PPP6R3: variants seen among roughly 807,000 people sequenced by gnomAD.
PPP6R3 encodes the protein serine/threonine-protein phosphatase 6 regulatory subunit 3.
A neutral mutation model predicts 110.7 loss-of-function variants in PPP6R3; 38 were observed. That is an observed-to-expected ratio of 0.34 (90% CI 0.26 to 0.45). The LOEUF is 0.45. Ranked by LOEUF, PPP6R3 falls within the 20% of genes least tolerant of loss-of-function variation. PPP6R3 has a pLI of 1.00. For synonymous variants in PPP6R3, 369 were observed against 373.5 expected (o/e 0.99, Z 0.14); for missense variants, 870 against 1,062.4 (o/e 0.82, Z 2.52).
At chr11:68,551,605 C>G (rs925162775) in intron 6 of PPP6R3, among the ~76,000 whole-genome samples, 31 of 152,272 alleles carry the variant, frequency 2.0e-4, no homozygotes, top group Middle Eastern at 3.4e-3. Context: ...TTCTCTGCCT[C>G]AGCTTCCCGA....
intron 5 of PPP6R3, among the ~76,000 whole-genome samples, chr11:68,549,734 T>G (rs2099363386): frequency 6.6e-6 from 1 of 152,220 alleles, no homozygotes; most frequent in South Asian, 2.1e-4. Context: ...GCTTCTGGGT[T>G]CAAGTTTAGG....
intron 12 of PPP6R3, among the ~76,000 whole-genome samples, chr11:68,572,626 G>C (rs2099511935): frequency 6.6e-6 from 1 of 152,166 alleles, no homozygotes; most frequent in African/African-American, 2.4e-5. Context: ...GAGATGGGAG[G>C]ATTGGTTGAG....
chr11:68,506,572 T>C (rs2099079156), intron 1 of PPP6R3, among the ~76,000 whole-genome samples: 1 of 152,120 alleles, frequency 6.6e-6, no homozygotes, highest in African/African-American at 2.4e-5. Flanking sequence ...ACAAACACTT[T>C]TTTGTGGGAA....
chr11:68,603,262 G>A (rs1177697498), intron 21 of PPP6R3, 80 bp from the exon 22 acceptor site: 1 of 1,546,078 alleles, frequency 6.5e-7, no homozygotes, highest in African/African-American at 1.4e-5. Flanking sequence ...GTCACGTTGG[G>A]TAGATGGGTT....
intron 5 of PPP6R3, among the ~76,000 whole-genome samples, chr11:68,550,338 G>A (rs187421463): frequency 1.5e-4 from 23 of 152,188 alleles, no homozygotes; most frequent in African/African-American, 4.6e-4. Context: ...TTCTGCCCCC[G>A]CTGCCCGCCC....
In PPP6R3 at chr11:68,590,639, TTTTA is replaced by T; in HGVS notation, c.1731-17_1731-14del. 4.5e-6 allele frequency: 4 copies of T among 891,692 alleles called. No individual in the cohort carries two copies. The African/African-American group carries it at 6.3e-5, about 14-fold the overall frequency. The allele number at this position is 891,692 out of a possible 1,614,324, so 55.2% of individuals were successfully genotyped here. ...TGATAGTAATTAATGCTTCCTACAC[TTTTA>T]TTTTGTTTTTTTACAGTGTTTCTTT... On this transcript the variant is annotated splice_polypyrimidine_tract_variant and intron_variant, in intron 16 of 23. Coordinates refer to ENST00000393800, the MANE Select transcript of PPP6R3 (RefSeq NM_001164161.2).
At chr11:68,543,678 T>C (rs754058886) in intron 3 of PPP6R3, among the ~76,000 whole-genome samples, 7 of 152,246 alleles carry the variant, frequency 4.6e-5, no homozygotes, top group Non-Finnish European at 1.0e-4. Flanking sequence ...TCTCTCTGTC[T>C]TGCTCAGCTT....
rs546063023 is a variant in PPP6R3, at chr11:68,601,194, A to T, written c.2193-669A>T. ...TCTACCCCGCTTTTCAGTACAGGAC[A>T]TACATTTCCGCCTACTCCTTTTTTT... On this transcript the variant is annotated intron_variant, in intron 20 of 23. Coordinates refer to ENST00000393800, the MANE Select transcript of PPP6R3 (RefSeq NM_001164161.2). Among the ~76,000 whole-genome samples, 12 of 152,352 alleles carry T rather than the reference A, an allele frequency of 7.9e-5. No individual in the cohort carries two copies. In the East Asian group the frequency reaches 2.3e-3, roughly 29 times the overall value.
intron 1 of PPP6R3, among the ~76,000 whole-genome samples, chr11:68,491,623 T>C (rs2098985009): frequency 6.6e-6 from 1 of 152,064 alleles, no homozygotes; most frequent in East Asian, 1.9e-4. Flanking sequence ...GTGTCGGGAT[T>C]ATAGGTGTGA....
intron 1 of PPP6R3, among the ~76,000 whole-genome samples, chr11:68,517,220 C>T (rs1321838331): frequency 1.3e-5 from 2 of 151,550 alleles, no homozygotes; most frequent in African/African-American, 4.9e-5. Context: ...TTTCCTCTAA[C>T]TTGCATTTTT....
rs775260227 is a variant in PPP6R3 at position 68,609,958 on chromosome 11, G to A, written c.2505G>A (p.Glu835=). 11 of 1,614,178 alleles carry A rather than the reference G, an allele frequency of 6.8e-6. No homozygotes were observed. The South Asian group carries it at 9.9e-5, about 15-fold the overall frequency. The change falls in exon 23 of 24, where the codon GAG becomes GAA. Residue 835 remains glutamate, a synonymous_variant. Transcript: ENST00000393800. ...SQDAACKDAE[E]CPETAEAKCA... ...ATGCTGCTTGTAAAGACGCAGAGGA[G>A]TGTCCCGAGACTGCAGAGGCGAAGT...
intron 14 of PPP6R3, among the ~76,000 whole-genome samples, chr11:68,582,369 T>A (rs1251151674): frequency 6.6e-6 from 1 of 152,276 alleles, no homozygotes; most frequent in Non-Finnish European, 1.5e-5. Context: ...CATTTGTAAT[T>A]AATAAAAATC....
At chr11:68,543,113 C>G (rs972850351) in intron 3 of PPP6R3, among the ~76,000 whole-genome samples, 1 of 152,198 alleles carries the variant, frequency 6.6e-6, no homozygotes, top group Non-Finnish European at 1.5e-5. Flanking sequence ...GCCTTTTTTA[C>G]TCCCCTCCTC....
intron 1 of PPP6R3, chr11:68,505,348 C>T (rs925041758): frequency 2.6e-5 from 4 of 152,306 alleles, no homozygotes; most frequent in Non-Finnish European, 4.4e-5. Flanking sequence ...CATTTAGAAT[C>T]GTGGACACAA....
chr11:68,503,178 G>A (rs1166061129), intron 1 of PPP6R3, among the ~76,000 whole-genome samples: 4 of 152,138 alleles, frequency 2.6e-5, no homozygotes, highest in African/African-American at 9.7e-5. Flanking sequence ...TCCTGACCTC[G>A]TGATCCGCCT....
At chr11:68,519,426 G>A (rs1160308736) in intron 1 of PPP6R3, 75 bp from the exon 2 acceptor site, 3 of 391,246 alleles carry the variant, frequency 7.7e-6, no homozygotes, top group African/African-American at 6.2e-5. Flanking sequence ...CCCTGACCCA[G>A]TATGCTTTAA....
At chr11:68,534,678 A>G (rs2099259917) in intron 2 of PPP6R3, among the ~76,000 whole-genome samples, 1 of 152,208 alleles carries the variant, frequency 6.6e-6, no homozygotes. Context: ...TTGATGCCAG[A>G]TTCACTTTTT....
chr11:68,532,321 C>T lies in PPP6R3; in HGVS notation c.-6-5338C>T, dbSNP rs139594203. 5.0e-4 allele frequency among the ~76,000 whole-genome samples: 76 copies of T among 152,278 alleles called. 1 individual carries two copies. The East Asian group carries it at 0.013, about 27-fold the overall frequency. On this transcript the variant is annotated intron_variant, in intron 2 of 23. Coordinates refer to ENST00000393800, the MANE Select transcript of PPP6R3 (RefSeq NM_001164161.2). The stretch of plus-strand genomic sequence containing the variant: ...AAGATGGCAGTTTTCACTTGTCTTA[C>T]GTTACAGGAAGGTGGGGAACAGCAG...
chr11:68,491,834 A>G lies in PPP6R3; in HGVS notation c.-157-27667A>G, dbSNP rs1044857025. ...GAAGAAGAGTTGCCTTGGGCCAAACATAAGTTACAGTAACACTAACGATAG... is the reference window on the plus strand; with the variant it reads ...GAAGAAGAGTTGCCTTGGGCCAAACGTAAGTTACAGTAACACTAACGATAG... On this transcript the variant is annotated intron_variant, in intron 1 of 23. Transcript: ENST00000393800. Among the ~76,000 whole-genome samples, 3 of 152,150 alleles carry G rather than the reference A, an allele frequency of 2.0e-5. No individual in the cohort carries two copies. The East Asian group carries it at 5.8e-4, about 29-fold the overall frequency.
Sources: gnomAD v4.1 joint callset for allele counts (sites outside exome capture counted in the v4.1 genomes callset) on GRCh38, gnomAD v4.1.1 for gene constraint, MANE v1.5 for transcripts, NCBI Gene and HGNC (gene_info 2026-07-23, HGNC 2026-07-21) for gene names.